The following SH3GL2 variants were observed in gnomAD, a reference collection of about 807,000 sequenced individuals.
SH3GL2 encodes SH3 domain containing GRB2 like 2, endophilin A1.
A neutral mutation model predicts 46.0 loss-of-function variants in SH3GL2; 24 were observed. That is an observed-to-expected ratio of 0.52 (90% confidence interval 0.38 to 0.73). The LOEUF is 0.73. Among genes scored for constraint, SH3GL2 ranks in the 30% least tolerant of loss-of-function variants. The pLI is 0.00. For synonymous variants in SH3GL2, 196 were observed against 147.1 expected (o/e 1.33, Z -2.40); for missense variants, 413 against 424.2 (o/e 0.97, Z 0.23).
chr9:17,642,387 T>A (rs774392521), intron 1 of SH3GL2, among the ~76,000 whole-genome samples: 4 of 152,238 alleles, frequency 2.6e-5, no homozygotes, highest in Non-Finnish European at 4.4e-5. Context: ...TTTTGGCTTG[T>A]GTTGCCATTG....
At chr9:17,746,965 G>A in intron 1 of SH3GL2, 101 bp from the exon 2 acceptor site, 1 of 751,468 alleles carries the variant, frequency 1.3e-6, no homozygotes, top group Non-Finnish European at 2.2e-6. Context: ...GAATGGTTGT[G>A]AGATTACATT....
Position 17,796,018 on chromosome 9 carries a change from G to A in SH3GL2, c.*275G>A. ...CTGCTGTTTACACAGTTCTCAGGAG[G>A]CTGTGGTTTCTTAGAATATGACCAT... is the stretch of plus-strand genomic sequence containing the variant. On this transcript the variant is annotated 3_prime_UTR_variant, in exon 9 of 9. Transcript: ENST00000380607. The A allele has an allele frequency of 2.5e-6, 1 of 401,964 alleles. No individual in the cohort carries two copies. The highest frequency in any genetic ancestry group is 4.5e-6 in the Non-Finnish European group (1 of 221,810). The allele number at this position is 401,964 out of a possible 1,614,324, so 24.9% of individuals were successfully genotyped here.
At chr9:17,619,346 A>C (rs1819078250) in intron 1 of SH3GL2, among the ~76,000 whole-genome samples, 1 of 152,162 alleles carries the variant, frequency 6.6e-6, no homozygotes, top group Non-Finnish European at 1.5e-5. Context: ...AAATATTTTC[A>C]AAAAACCTGA....
intron 1 of SH3GL2, among the ~76,000 whole-genome samples, chr9:17,639,634 T>C (rs1429926871): frequency 6.6e-6 from 1 of 152,188 alleles, no homozygotes; most frequent in Non-Finnish European, 1.5e-5. Context: ...GCCGTATAAT[T>C]CAGCAGTTCA....
rs771388208 is a variant in SH3GL2 at position 17,793,358 on chromosome 9, T to C, written c.729-9T>C. ...CATAACCTTTCCACCACTTTTCTTT[T>C]TACTGCAGAATAAGACAGGCTTCAT... On this transcript the variant is annotated splice_polypyrimidine_tract_variant and intron_variant, in intron 7 of 8. Coordinates refer to ENST00000380607, the MANE Select transcript of SH3GL2 (RefSeq NM_003026.5). 9.3e-6 allele frequency: 15 copies of C among 1,606,768 alleles called. No homozygotes were observed. In the South Asian group the frequency reaches 1.6e-4, roughly 17 times the overall value.
intron 1 of SH3GL2, among the ~76,000 whole-genome samples, chr9:17,725,972 G>T (rs897002479): frequency 9.9e-5 from 15 of 152,104 alleles, no homozygotes; most frequent in African/African-American, 3.6e-4. Flanking sequence ...GGCAGTAGGG[G>T]TGTAGGGAGG....
At chr9:17,718,313 A>G (rs894913343) in intron 1 of SH3GL2, among the ~76,000 whole-genome samples, 8 of 152,158 alleles carry the variant, frequency 5.3e-5, no homozygotes, top group Non-Finnish European at 1.0e-4. Flanking sequence ...ATTGCCAACG[A>G]TATGAAAAAC....
chr9:17,689,331 A>G (rs1201666844), intron 1 of SH3GL2, among the ~76,000 whole-genome samples: 3 of 152,156 alleles, frequency 2.0e-5, no homozygotes, highest in African/African-American at 7.2e-5. Flanking sequence ...GGCACCCTGA[A>G]TGAGTTCCTG....
intron 1 of SH3GL2, among the ~76,000 whole-genome samples, chr9:17,680,437 C>G (rs1820737674): frequency 6.6e-6 from 1 of 152,108 alleles, no homozygotes; most frequent in Admixed American, 6.6e-5. Flanking sequence ...ATAGTATTCT[C>G]TGATGGTAGT....
chr9:17,705,718 A>T (rs1821453513), intron 1 of SH3GL2, among the ~76,000 whole-genome samples: 3 of 151,990 alleles, frequency 2.0e-5, no homozygotes, highest in Admixed American at 6.6e-5. Flanking sequence ...AACAAAATAC[A>T]GTATGTTCAG....
rs112546579 is a variant in SH3GL2, at chr9:17,790,131, C to CGTAT, written c.624+583_624+586dup. Among the ~76,000 whole-genome samples the CGTAT allele has an allele frequency of 3.2e-3, 486 of 152,238 alleles. 3 individuals are homozygous for CGTAT. The highest frequency in any genetic ancestry group is 0.011 in the African/African-American group (466 of 41,562). ...GAGCTGTGACATCCAAAGACAGGAG[C>CGTAT]GTATGGGTGTCCCTTCGCTAGAAGA... On this transcript the variant is annotated intron_variant, in intron 6 of 8. Transcript: ENST00000380607.
intron 8 of SH3GL2, among the ~76,000 whole-genome samples, chr9:17,794,037 G>T (rs1015570176): frequency 6.6e-6 from 1 of 152,230 alleles, no homozygotes; most frequent in African/African-American, 2.4e-5. Flanking sequence ...GACACTTGCT[G>T]GGTTTTCCTT....
chr9:17,778,324 A>G (rs1823703755), intron 3 of SH3GL2, among the ~76,000 whole-genome samples: 2 of 152,182 alleles, frequency 1.3e-5, no homozygotes, highest in African/African-American at 4.8e-5. Context: ...CCCTGCCCTC[A>G]TGGAGCCTAT....
chr9:17,586,053 C>G (rs896544629), intron 1 of SH3GL2, among the ~76,000 whole-genome samples: 1 of 152,148 alleles, frequency 6.6e-6, no homozygotes, highest in Non-Finnish European at 1.5e-5. Context: ...GATTGTGAGA[C>G]CCTGCCAAGT....
chr9:17,721,444 C>A (rs750667852), intron 1 of SH3GL2, among the ~76,000 whole-genome samples: 2 of 151,894 alleles, frequency 1.3e-5, no homozygotes, highest in Middle Eastern at 3.2e-3. Flanking sequence ...CTAATGTAAG[C>A]CTGATTTCTT....
chr9:17,781,756 G>C (rs191026321), intron 3 of SH3GL2, among the ~76,000 whole-genome samples: 1 of 152,096 alleles, frequency 6.6e-6, no homozygotes, highest in East Asian at 1.9e-4. Flanking sequence ...AGATTCTCCA[G>C]GTACCTAGAA....
intron 3 of SH3GL2, among the ~76,000 whole-genome samples, chr9:17,770,127 T>C (rs4961594): frequency 0.72 from 108,777 of 152,122 alleles, 39,164 homozygotes; most frequent in East Asian, 0.88. Context: ...CTGTGTAATA[T>C]CTATTTGGTG....
chr9:17,666,104 C>G (rs1433613203), intron 1 of SH3GL2, among the ~76,000 whole-genome samples: 1 of 151,626 alleles, frequency 6.6e-6, no homozygotes, highest in African/African-American at 2.4e-5. Flanking sequence ...GAAAAAGTAA[C>G]CTAATGACTA....
At chr9:17,654,553 A>C (rs895520800) in intron 1 of SH3GL2, among the ~76,000 whole-genome samples, 1 of 152,210 alleles carries the variant, frequency 6.6e-6, no homozygotes. Flanking sequence ...GTGAAAGCGT[A>C]GATTAGGGCT....
Sources: gnomAD v4.1 joint callset for allele counts (sites outside exome capture counted in the v4.1 genomes callset) on GRCh38, gnomAD v4.1.1 for gene constraint, MANE v1.5 for transcripts, NCBI Gene and HGNC (gene_info 2026-07-23, HGNC 2026-07-21) for gene names.